Variants in ASB18 observed in about 807,000 individuals in gnomAD.
ASB18 encodes the protein ankyrin repeat and SOCS box containing 18, also known as ankyrin repeat and SOCS box protein 18.
A neutral mutation model predicts 33.4 loss-of-function variants in ASB18; 33 were observed. The ratio of observed to expected loss-of-function variants is 0.99; its 90% CI spans 0.75 to 1.32. The LOEUF is 1.32. Ranked by LOEUF, ASB18 falls within the 40% of genes most tolerant of loss-of-function variation. The pLI is 0.00. For synonymous variants in ASB18, 295 were observed against 307.6 expected (o/e 0.96, Z 0.43); for missense variants, 694 against 655.5 (o/e 1.06, Z -0.64).
In ASB18 at chr2:236,241,383, C is replaced by A. The variant is rs199776358; in HGVS notation, c.225G>T (p.Lys75Asn). The A allele has an allele frequency of 1.7e-5, 27 of 1,613,970 alleles. No homozygotes were observed. The Admixed American group carries it at 2.5e-4, about 15-fold the overall frequency. ...CCTGGAAGAACTGGTCCATGAGGGG[C>A]TTCAGATGGTCGAGGTCCCCTGCGA... is the stretch of plus-strand genomic sequence containing the variant. The part of the protein sequence containing the change: ...GMLLGDLDHL[K>N]PLMDQFFQDA... Residue 75 changes from lysine (K) to asparagine (N), a missense_variant, in exon 2 of 6, where the codon AAG (lysine) becomes AAT (asparagine). Coordinates refer to ENST00000409749, the MANE Select transcript of ASB18 (RefSeq NM_212556.4). This position sits in a 1 kb window ranked among gnomAD's most constrained non-coding sequence, Gnocchi z 4.2.
Position 236,222,439 on chromosome 2 carries a change from T to C in ASB18, c.597-7573A>G, listed in dbSNP as rs78783610. ...GTGGGATGATTGCAGTGGATGATGA[T>C]ATTTTGGGCAAATTCTCTCCCCATT... On this transcript the variant is annotated intron_variant, in intron 3 of 5. Coordinates refer to ENST00000409749, the MANE Select transcript of ASB18 (RefSeq NM_212556.4). The surrounding 1 kb of genome is among the most constrained non-coding windows in gnomAD (Gnocchi z 5.5). 0.023 allele frequency among the ~76,000 whole-genome samples: 3,510 copies of C among 152,294 alleles called. 152 individuals are homozygous for C. Among genetic ancestry groups the C allele is most frequent in the African/African-American group, 0.08 (3,316 of 41,552 alleles).
Position 236,249,674 on chromosome 2 carries a change from T to C in ASB18, c.206-8272A>G, listed in dbSNP as rs1275475193. 2 of 152,178 alleles carry C rather than the reference T, an allele frequency of 1.3e-5. No individual in the cohort carries two copies. Among genetic ancestry groups the C allele is most frequent in the Non-Finnish European group, 2.9e-5 (2 of 68,026 alleles). The allele number at this position is 152,178 out of a possible 1,614,324, so 9.4% of individuals were successfully genotyped here. On this transcript the variant is annotated intron_variant, in intron 1 of 5. Coordinates refer to ENST00000409749, the MANE Select transcript of ASB18 (RefSeq NM_212556.4). The surrounding 1 kb of genome is among the most constrained non-coding windows in gnomAD (Gnocchi z 4.6). ...TTTAGTTTTTCAAATGGTGTACTTA[T>C]TTGACAGAGGAAGCTTATTTGTGTG...
rs575264194 is a variant in ASB18, at chr2:236,240,990, C to T, written c.328+290G>A. Among the ~76,000 whole-genome samples the T allele has an allele frequency of 1.6e-4, 24 of 152,324 alleles. No individual in the cohort carries two copies. In the Middle Eastern group the frequency reaches 0.014, roughly 86 times the overall value. On this transcript the variant is annotated intron_variant, in intron 2 of 5. Coordinates refer to ENST00000409749, the MANE Select transcript of ASB18 (RefSeq NM_212556.4). ...CCTCCCTGGCTGCCAGATGCAGGCA[C>T]GGGCAGCTCCACACCTAAACCAATG... is the stretch of plus-strand genomic sequence containing the variant.
Position 236,215,652 on chromosome 2 carries a change from G to A in ASB18, c.597-786C>T, listed in dbSNP as rs1208409204. On this transcript the variant is annotated intron_variant, in intron 3 of 5. Transcript: ENST00000409749. The surrounding 1 kb of genome is among the most constrained non-coding windows in gnomAD (Gnocchi z 7.2). Reference sequence around the variant, plus strand: ...TCCTCAGAGCCTCTCCCATCCCCTGGGGGCACTCTAAACAGCTCAGCCTAG... The same window carrying A: ...TCCTCAGAGCCTCTCCCATCCCCTGAGGGCACTCTAAACAGCTCAGCCTAG... 1.3e-5 allele frequency among the ~76,000 whole-genome samples: 2 copies of A among 152,048 alleles called. No homozygotes were observed. Among genetic ancestry groups the A allele is most frequent in the Admixed American group, 1.3e-4 (2 of 15,268 alleles).
In ASB18 at chr2:236,250,839, C is replaced by G. The variant is rs540684665; in HGVS notation, c.206-9437G>C. ...CACATCCATCCACCAGAGTTAGTCA[C>G]ATAGACATTAATATCAAAAATGTTA... On this transcript the variant is annotated intron_variant, in intron 1 of 5. Coordinates refer to ENST00000409749, the MANE Select transcript of ASB18 (RefSeq NM_212556.4). The surrounding 1 kb of genome is among the most constrained non-coding windows in gnomAD (Gnocchi z 4.1). 6.6e-6 allele frequency: 1 copy of G among 152,348 alleles called. No homozygotes were observed. The highest frequency in any genetic ancestry group is 2.4e-5 in the African/African-American group (1 of 41,576). The allele number at this position is 152,348 out of a possible 1,614,324, so 9.4% of individuals were successfully genotyped here.
chr2:236,238,927 C>A lies in ASB18; in HGVS notation c.329-971G>T, dbSNP rs2060608940. On this transcript the variant is annotated intron_variant, in intron 2 of 5. Coordinates refer to ENST00000409749, the MANE Select transcript of ASB18 (RefSeq NM_212556.4). This position sits in a 1 kb window ranked among gnomAD's most constrained non-coding sequence, Gnocchi z 5.2. ...TGCTGAGCAGCCTTGAAAGTCCATT[C>A]ATTAATTACCTACCCGCATGTGGTG... 6.6e-6 allele frequency among the ~76,000 whole-genome samples: 1 copy of A among 152,174 alleles called. No individual in the cohort carries two copies. The highest frequency in any genetic ancestry group is 2.4e-5 in the African/African-American group (1 of 41,442).
intron 1 of ASB18, among the ~76,000 whole-genome samples, chr2:236,258,125 A>G (rs1175534020): frequency 6.6e-6 from 1 of 152,192 alleles, no homozygotes; most frequent in African/African-American, 2.4e-5. Flanking sequence ...TCCAGCTGGT[A>G]TCCTCGCTGC....
At chr2:236,202,643 G>A (rs1203561312) in intron 4 of ASB18, among the ~76,000 whole-genome samples, 3 of 151,472 alleles carry the variant, frequency 2.0e-5, no homozygotes, top group African/African-American at 7.3e-5. Flanking sequence ...ACATAGTGTG[G>A]TGGCATGCAC....
rs2060581554 is a variant in ASB18 at position 236,234,851 on chromosome 2, A to G, written c.596+2838T>C. Among the ~76,000 whole-genome samples the G allele has an allele frequency of 6.6e-6, 1 of 152,250 alleles. No homozygotes were observed. Among genetic ancestry groups the G allele is most frequent in the African/African-American group, 2.4e-5 (1 of 41,476 alleles). ...AGTTATGAAATTTCTAGAAGAAAATATAAGAGAAAATCTGTATGACCTTGG... is the reference window on the plus strand; with the variant it reads ...AGTTATGAAATTTCTAGAAGAAAATGTAAGAGAAAATCTGTATGACCTTGG... On this transcript the variant is annotated intron_variant, in intron 3 of 5. Coordinates refer to ENST00000409749, the MANE Select transcript of ASB18 (RefSeq NM_212556.4). This position sits in a 1 kb window ranked among gnomAD's most constrained non-coding sequence, Gnocchi z 4.1.
At position 236,209,360 on chromosome 2, in the gene ASB18, C is replaced by T. The variant is rs938644721; in HGVS notation, c.1101+5002G>A. On this transcript the variant is annotated intron_variant, in intron 4 of 5. Transcript: ENST00000409749. The surrounding 1 kb of genome is among the most constrained non-coding windows in gnomAD (Gnocchi z 4.4). ...CAATCATGGCTCACTGCAGCTTCCA[C>T]CCCCTGGGTTTAGGTAATCCTCCTG... is the stretch of plus-strand genomic sequence containing the variant. Among the ~76,000 whole-genome samples the T allele has an allele frequency of 6.6e-6, 1 of 151,790 alleles. No homozygotes were observed. The highest frequency in any genetic ancestry group is 1.5e-5 in the Non-Finnish European group (1 of 67,992).
In ASB18 at chr2:236,194,705, G is replaced by C. The variant is rs925789642; in HGVS notation, c.*167C>G. On this transcript the variant is annotated 3_prime_UTR_variant, in exon 6 of 6. Coordinates refer to ENST00000409749, the MANE Select transcript of ASB18 (RefSeq NM_212556.4). This position sits in a 1 kb window ranked among gnomAD's most constrained non-coding sequence, Gnocchi z 4.5. Reference sequence around the variant, plus strand: ...GGGCTTTTGTTGCCAATTCCATTTCGAGGTGAACCTGAAGCTTGGCAAGGT... The same window carrying C: ...GGGCTTTTGTTGCCAATTCCATTTCCAGGTGAACCTGAAGCTTGGCAAGGT... 1.3e-5 allele frequency among the ~76,000 whole-genome samples: 2 copies of C among 152,094 alleles called. No homozygotes were observed. Among genetic ancestry groups the C allele is most frequent in the Non-Finnish European group, 2.9e-5 (2 of 68,034 alleles).
In ASB18 at chr2:236,213,584, A is replaced by T. The variant is rs1047809939; in HGVS notation, c.1101+778T>A. ...GGGAGGACAACCTGTTACTCCAGCC[A>T]ATATTTTGGAAACATTTTCAGTCTT... is the stretch of plus-strand genomic sequence containing the variant. On this transcript the variant is annotated intron_variant, in intron 4 of 5. Transcript: ENST00000409749. This position sits in a 1 kb window ranked among gnomAD's most constrained non-coding sequence, Gnocchi z 4.8. The T allele has an allele frequency of 2.0e-5, 3 of 152,346 alleles. No homozygotes were observed. In the East Asian group the frequency reaches 5.8e-4, roughly 29 times the overall value. 9.4% of individuals were successfully genotyped at this position (152,346 alleles called of 1,614,324 possible).
chr2:236,257,909 G>T lies in ASB18; in HGVS notation c.205+6232C>A, dbSNP rs1348868088. 6.6e-6 allele frequency among the ~76,000 whole-genome samples: 1 copy of T among 152,202 alleles called. No individual in the cohort carries two copies. The highest frequency in any genetic ancestry group is 1.9e-4 in the East Asian group (1 of 5,188). On this transcript the variant is annotated intron_variant, in intron 1 of 5. Coordinates refer to ENST00000409749, the MANE Select transcript of ASB18 (RefSeq NM_212556.4). This position sits in a 1 kb window ranked among gnomAD's most constrained non-coding sequence, Gnocchi z 5.5. Reference sequence around the variant, plus strand: ...TTTTCCTCAGCTGGAGGAGTGGAAAGGGGAGAGCTCTTGGAGATGCTCTCA... The same window carrying T: ...TTTTCCTCAGCTGGAGGAGTGGAAATGGGAGAGCTCTTGGAGATGCTCTCA...
rs1337985995 is a variant in ASB18, at chr2:236,209,666, C to T, written c.1101+4696G>A. Among the ~76,000 whole-genome samples the T allele has an allele frequency of 6.6e-6, 1 of 152,230 alleles. No homozygotes were observed. Among genetic ancestry groups the T allele is most frequent in the Non-Finnish European group, 1.5e-5 (1 of 68,036 alleles). On this transcript the variant is annotated intron_variant, in intron 4 of 5. Transcript: ENST00000409749. The surrounding 1 kb of genome is among the most constrained non-coding windows in gnomAD (Gnocchi z 4.4). Reference sequence around the variant, plus strand: ...CCTGTGGTTTCCATCAGCCCCCTACCTGGTGTGTTCTCTACGTCGAGCTTA... The same window carrying T: ...CCTGTGGTTTCCATCAGCCCCCTACTTGGTGTGTTCTCTACGTCGAGCTTA...
At position 236,262,374 on chromosome 2, in the gene ASB18, C is replaced by G. The variant is rs1444726022; in HGVS notation, c.205+1767G>C. 6.6e-6 allele frequency among the ~76,000 whole-genome samples: 1 copy of G among 152,188 alleles called. No homozygotes were observed. The highest frequency in any genetic ancestry group is 1.5e-5 in the Non-Finnish European group (1 of 68,028). ...AGGTGGCAGCAGCCACAGCGGATGG[C>G]CATTCCTAACCCTGTACCTGATAGG... On this transcript the variant is annotated intron_variant, in intron 1 of 5. Coordinates refer to ENST00000409749, the MANE Select transcript of ASB18 (RefSeq NM_212556.4). This position sits in a 1 kb window ranked among gnomAD's most constrained non-coding sequence, Gnocchi z 5.2.
At chr2:236,254,930 T>G in intron 1 of ASB18, among the ~76,000 whole-genome samples, 1 of 152,096 alleles carries the variant, frequency 6.6e-6, no homozygotes. Context: ...GTTCTCAAGA[T>G]AGTGAGTTCT....
At position 236,255,333 on chromosome 2, in the gene ASB18, G is replaced by A. The variant is rs1180577873; in HGVS notation, c.205+8808C>T. Among the ~76,000 whole-genome samples the A allele has an allele frequency of 6.6e-6, 1 of 151,906 alleles. No homozygotes were observed. Among genetic ancestry groups the A allele is most frequent in the Non-Finnish European group, 1.5e-5 (1 of 67,978 alleles). On this transcript the variant is annotated intron_variant, in intron 1 of 5. Transcript: ENST00000409749. The surrounding 1 kb of genome is among the most constrained non-coding windows in gnomAD (Gnocchi z 4.4). ...TAATTTATATATTTTTTGTAGAGAC[G>A]GGGTTTCACCATGTTGGCCAGACTG...
At chr2:236,197,067 T>C (rs6760327) in intron 4 of ASB18, among the ~76,000 whole-genome samples, 2,897 of 57,598 alleles carry the variant, frequency 0.05, 66 homozygotes, top group African/African-American at 0.4. Context: ...CTCCCATGTA[T>C]CCCCGCCCCC....
In ASB18 at chr2:236,241,289, C is replaced by G; in HGVS notation, c.319G>C (p.Gly107Arg). 1 of 1,613,836 alleles carries G rather than the reference C, an allele frequency of 6.2e-7. No individual in the cohort carries two copies. The highest frequency in any genetic ancestry group is 8.5e-7 in the Non-Finnish European group (1 of 1,179,780). The part of the protein sequence containing the change: ...EWQVKSPATF[G>R]LSGLWTLEYK... ...TAAAGAACAAGGGTACCTGATAGTC[C>G]AAACGTGGCTGGAGATTTCACCTGC... The change falls in exon 2 of 6, where the codon GGA (glycine) becomes CGA (arginine). Residue 107 changes from glycine (G) to arginine (R), a missense_variant. Transcript: ENST00000409749. The surrounding 1 kb of genome is among the most constrained non-coding windows in gnomAD (Gnocchi z 4.2).
Sources: allele counts gnomAD v4.1 joint callset (sites outside exome capture counted in the v4.1 genomes callset), GRCh38; gene constraint gnomAD v4.1.1; non-coding constraint Gnocchi (gnomAD v3.1); transcripts MANE v1.5; gene names NCBI Gene and HGNC (gene_info 2026-07-23, HGNC 2026-07-21).